Variants in EML6 observed in about 807,000 individuals in gnomAD.
The protein encoded by EML6 is EMAP like 6, also known as echinoderm microtubule-associated protein-like 6.
EML6 carries 154 observed loss-of-function variants against 240.1 expected under a neutral mutation model. That is an observed-to-expected ratio of 0.64 (90% CI 0.56 to 0.73). The LOEUF (loss-of-function observed/expected upper bound fraction) is 0.73. EML6 is among the 30% of genes least tolerant of loss of function. EML6 has a pLI of 0.00. For missense variants in EML6, 2,964 were observed against 2,474.6 expected, an observed-to-expected ratio of 1.20 and a Z score of -4.20; for synonymous variants, 1,148 against 899.0, an observed-to-expected ratio of 1.28 and a Z score of -4.95.
chr2:54,744,984 A>G (rs1683850908), intron 2 of EML6, among the ~76,000 whole-genome samples: 1 of 149,240 alleles, frequency 6.7e-6, no homozygotes, highest in Non-Finnish European at 1.5e-5. Context: ...AGGCCTTCCC[A>G]GTGAGGGAGT....
intron 21 of EML6, among the ~76,000 whole-genome samples, chr2:54,897,824 A>G (rs1672849271): frequency 6.6e-6 from 1 of 151,464 alleles, no homozygotes; most frequent in Non-Finnish European, 1.5e-5. Flanking sequence ...TGTGCTGTGT[A>G]TATGTGCAGT....
intron 2 of EML6, among the ~76,000 whole-genome samples, chr2:54,771,947 C>T (rs1668416505): frequency 6.6e-6 from 1 of 152,060 alleles, no homozygotes; most frequent in Non-Finnish European, 1.5e-5. Flanking sequence ...TAACTAGGAC[C>T]CTGTAGGCTA....
rs1423133291 is a variant in EML6 at position 54,863,853 on chromosome 2, T to C, written c.1896T>C (p.Asp632=). Residue 632 remains aspartate (D), a synonymous_variant, in exon 13 of 42, where the codon GAT becomes GAC. Transcript: ENST00000356458. ...DLSDVPELDS[D]IEQEAQINYD... ...CTGATGTGCCCGAACTGGACTCTGA[T>C]ATTGAGCAAGAAGCTCAAATCAATT... 8 of 1,547,596 alleles carry C rather than the reference T, an allele frequency of 5.2e-6. No homozygotes were observed. The Middle Eastern group carries it at 6.7e-4, about 129-fold the overall frequency.
In EML6 at chr2:54,840,820, G is replaced by C. The variant is rs939952614; in HGVS notation, c.848-3227G>C. On this transcript the variant is annotated intron_variant, in intron 7 of 41. Coordinates refer to ENST00000356458, the MANE Select transcript of EML6 (RefSeq NM_001039753.4). ...GACCTTTCTATTCTACTGAGAGGAAGCAGACAATAAATACAGTAAAAGTAG... is the reference window on the plus strand; with the variant it reads ...GACCTTTCTATTCTACTGAGAGGAACCAGACAATAAATACAGTAAAAGTAG... 3.0e-4 allele frequency among the ~76,000 whole-genome samples: 46 copies of C among 152,216 alleles called. 1 individual carries two copies. Among genetic ancestry groups the C allele is most frequent in the African/African-American group, 1.1e-3 (46 of 41,460 alleles).
chr2:54,939,458 A>G (rs752508860), intron 28 of EML6, among the ~76,000 whole-genome samples: 1 of 152,220 alleles, frequency 6.6e-6, no homozygotes, highest in Non-Finnish European at 1.5e-5. Context: ...GTTTACTTCC[A>G]TGTGGATGGA....
intron 26 of EML6, among the ~76,000 whole-genome samples, chr2:54,925,744 A>G (rs1205907387): frequency 6.6e-6 from 1 of 152,114 alleles, no homozygotes; most frequent in Non-Finnish European, 1.5e-5. Context: ...TTTTTGTAGT[A>G]CCTTAAACCA....
At position 54,971,929 on chromosome 2, in the gene EML6, G is replaced by GAACA. The variant is rs1677040794; in HGVS notation, c.*1834_*1835insAACA. 6.6e-6 allele frequency: 1 copy of GAACA among 152,150 alleles called. No homozygotes were observed. The highest frequency in any genetic ancestry group is 1.5e-5 in the Non-Finnish European group (1 of 68,038). 9.4% of individuals were successfully genotyped at this position (152,150 alleles called of 1,614,324 possible). ...ATAAATCCTGCACTGTATGATATATGTGAGTTAAAACATTGGTGCATGAAT... is the reference window on the plus strand; with the variant it reads ...ATAAATCCTGCACTGTATGATATATGAACATGAGTTAAAACATTGGTGCATGAAT... On this transcript the variant is annotated 3_prime_UTR_variant, in exon 42 of 42. Coordinates refer to ENST00000356458, the MANE Select transcript of EML6 (RefSeq NM_001039753.4).
At position 54,774,311 on chromosome 2, in the gene EML6, T is replaced by C. The variant is rs1180998076; in HGVS notation, c.198-38921T>C. On this transcript the variant is annotated intron_variant, in intron 2 of 41. Transcript: ENST00000356458. The surrounding 1 kb of genome is among the most constrained non-coding windows in gnomAD (Gnocchi z 4.1). ...GGCAGAGAGAGAAGTCAGGATACTA[T>C]GCAGGCTCCACAGGATGGTCAGGCC... Among the ~76,000 whole-genome samples, 8 of 152,166 alleles carry C rather than the reference T, an allele frequency of 5.3e-5. No individual in the cohort carries two copies. Among genetic ancestry groups the C allele is most frequent in the African/African-American group, 1.9e-4 (8 of 41,454 alleles).
rs190629974 is a variant in EML6, at chr2:54,791,005, G to A, written c.198-22227G>A. On this transcript the variant is annotated intron_variant, in intron 2 of 41. Transcript: ENST00000356458. ...CTCCCAAAGTGCTGGAATTACAGGC[G>A]TGAGCCACCGCGCCCGGCCGGTAAC... Among the ~76,000 whole-genome samples the A allele has an allele frequency of 4.0e-3, 612 of 152,216 alleles. 7 individuals carry two copies. Among genetic ancestry groups the A allele is most frequent in the African/African-American group, 0.012 (495 of 41,532 alleles).
chr2:54,940,982 C>T (rs10166518), intron 28 of EML6, among the ~76,000 whole-genome samples: 110,240 of 152,116 alleles, frequency 0.72, 40,520 homozygotes, highest in African/African-American at 0.83. Context: ...TAAGTGACTA[C>T]GAGAAAACGG....
At chr2:54,915,689 T>A (rs796808865) in intron 25 of EML6, among the ~76,000 whole-genome samples, 8 of 152,274 alleles carry the variant, frequency 5.3e-5, no homozygotes, top group African/African-American at 1.9e-4. Context: ...CTAAAACTCC[T>A]GGCTGCATCT....
intron 17 of EML6, among the ~76,000 whole-genome samples, chr2:54,890,786 C>T (rs1191554648): frequency 6.6e-6 from 1 of 152,150 alleles, no homozygotes; most frequent in Non-Finnish European, 1.5e-5. Context: ...GGAGACATTA[C>T]AATATGTTTT....
At chr2:54,785,317 A>G (rs1439908207) in intron 2 of EML6, among the ~76,000 whole-genome samples, 1 of 151,998 alleles carries the variant, frequency 6.6e-6, no homozygotes, top group Admixed American at 6.6e-5. Flanking sequence ...CTGGGATTAC[A>G]GGTGTGAGCC....
At chr2:54,945,614 C>T (rs905463081) in intron 28 of EML6, among the ~76,000 whole-genome samples, 2 of 152,102 alleles carry the variant, frequency 1.3e-5, no homozygotes, top group African/African-American at 4.8e-5. Context: ...TGACTCGTGA[C>T]CTCAGTGGTT....
chr2:54,827,763 C>G lies in EML6; in HGVS notation c.711+12C>G. The stretch of plus-strand genomic sequence containing the variant: ...AAGGAGCACATAGTGTAAGTATTAC[C>G]TTGTGGAAATCTGTGGGTGACCTAC... On this transcript the variant is annotated intron_variant, in intron 6 of 41. Transcript: ENST00000356458. 4 of 1,541,836 alleles carry G rather than the reference C, an allele frequency of 2.6e-6. No homozygotes were observed. Among genetic ancestry groups the G allele is most frequent in the Non-Finnish European group, 3.5e-6 (4 of 1,138,512 alleles).
At chr2:54,958,857 C>T (rs1470999007) in intron 33 of EML6, among the ~76,000 whole-genome samples, 1 of 152,106 alleles carries the variant, frequency 6.6e-6, no homozygotes, top group Non-Finnish European at 1.5e-5. Flanking sequence ...TAATGCACAG[C>T]TGTGCTCAGA....
At chr2:54,848,986 A>G (rs1415891377) in intron 9 of EML6, among the ~76,000 whole-genome samples, 1 of 152,312 alleles carries the variant, frequency 6.6e-6, no homozygotes. Flanking sequence ...TATAAAAAAG[A>G]TGATTTATTT....
chr2:54,884,101 T>C (rs978677921), intron 17 of EML6, among the ~76,000 whole-genome samples: 1 of 152,154 alleles, frequency 6.6e-6, no homozygotes, highest in East Asian at 1.9e-4. Context: ...TACCTGGAGG[T>C]AGCCTCAGAT....
At chr2:54,728,046 G>A (rs1191624644) in intron 2 of EML6, among the ~76,000 whole-genome samples, 2 of 152,190 alleles carry the variant, frequency 1.3e-5, no homozygotes, top group East Asian at 1.9e-4. Flanking sequence ...ACTGAATGTG[G>A]AGGCTTAGTT....
Sources: allele counts gnomAD v4.1 joint callset (sites outside exome capture counted in the v4.1 genomes callset), GRCh38; gene constraint gnomAD v4.1.1; non-coding constraint Gnocchi (gnomAD v3.1); transcripts MANE v1.5; gene names NCBI Gene and HGNC (gene_info 2026-07-23, HGNC 2026-07-21).